GINS1: variants seen among roughly 807,000 people sequenced by gnomAD.
GINS1 encodes GINS complex subunit 1.
A neutral mutation model predicts 34.9 loss-of-function variants in GINS1; 26 were observed. The ratio of observed to expected loss-of-function variants is 0.74; its 90% confidence interval spans 0.55 to 1.03. The LOEUF (loss-of-function observed/expected upper bound fraction) is 1.03. Ranked by LOEUF, GINS1 falls within the 50% of genes least tolerant of loss-of-function variation. The probability of loss-of-function intolerance (pLI) is 0.00; values close to 1 mark genes in which losing one functional copy is unlikely to be tolerated. For missense variants in GINS1, 235 were observed against 237.9 expected (o/e 0.99, Z 0.08); for synonymous variants, 97 against 84.4 (o/e 1.15, Z -0.82).
chr20:25,417,991 G>C (rs1426758459), intron 3 of GINS1, 114 bp from the exon 4 acceptor site: 4 of 731,540 alleles, frequency 5.5e-6, no homozygotes, highest in Middle Eastern at 2.4e-4. Context: ...TGTTCTTCTT[G>C]TTTTCCCTAA....
chr20:25,437,495 C>T (rs2090460305), intron 5 of GINS1, among the ~76,000 whole-genome samples: 1 of 152,250 alleles, frequency 6.6e-6, no homozygotes, highest in Non-Finnish European at 1.5e-5. Context: ...AAAGCTCCAA[C>T]CTCAAGCCTT....
chr20:25,424,776 C>T (rs2090380875), intron 4 of GINS1, among the ~76,000 whole-genome samples: 1 of 152,186 alleles, frequency 6.6e-6, no homozygotes. Context: ...TTCAGAACTT[C>T]ATTGTTACTT....
chr20:25,441,275 G>A (rs1377313554), intron 5 of GINS1, among the ~76,000 whole-genome samples: 2 of 152,184 alleles, frequency 1.3e-5, no homozygotes, highest in African/African-American at 4.8e-5. Flanking sequence ...GGGATTGGAA[G>A]AATTGCTTCC....
At position 25,407,868 on chromosome 20, in the gene GINS1, G is replaced by GC. The variant is rs1568794100; in HGVS notation, c.51dup (p.Glu18ArgfsTer24). The GC allele has an allele frequency of 6.2e-7, 1 of 1,613,858 alleles. No homozygotes were observed. The highest frequency in any genetic ancestry group is 2.2e-5 in the East Asian group (1 of 44,890). ...AACTGATCCGCGAGCTGCATCGCGC[G>GC]CCCGAAGGGCAACTGCCTGCCTTCA... On this transcript the variant is annotated frameshift_variant, in exon 1 of 7. Coordinates refer to ENST00000262460, the MANE Select transcript of GINS1 (RefSeq NM_021067.5). LOFTEE classifies it high-confidence loss of function.
intron 2 of GINS1, among the ~76,000 whole-genome samples, chr20:25,414,545 TA>T (rs1258655820): frequency 6.6e-6 from 1 of 151,878 alleles, no homozygotes; most frequent in Non-Finnish European, 1.5e-5. Flanking sequence ...ATTAAAAAAA[TA>T]AAAATTAGCT....
intron 2 of GINS1, among the ~76,000 whole-genome samples, chr20:25,414,604 G>A (rs2090308699): frequency 6.6e-6 from 1 of 152,162 alleles, no homozygotes; most frequent in Non-Finnish European, 1.5e-5. Flanking sequence ...GCAGGGTAAG[G>A]TGAGAGGCTT....
At chr20:25,444,684 G>C (rs895342668) in intron 6 of GINS1, among the ~76,000 whole-genome samples, 1 of 152,124 alleles carries the variant, frequency 6.6e-6, no homozygotes, top group East Asian at 1.9e-4. Flanking sequence ...CCTCCTCCAA[G>C]GCAGTCAGTG....
At chr20:25,431,378 A>G (rs911551854) in intron 5 of GINS1, among the ~76,000 whole-genome samples, 1 of 151,948 alleles carries the variant, frequency 6.6e-6, no homozygotes, top group African/African-American at 2.4e-5. Context: ...GGTTTTCTCT[A>G]TGAGTGTTTC....
intron 1 of GINS1, chr20:25,413,540 T>A (rs567451986): frequency 2.2e-6 from 1 of 454,118 alleles, no homozygotes; most frequent in Non-Finnish European, 3.9e-6. Flanking sequence ...ATTCTGTGTG[T>A]AGCTTTTGAG....
intron 5 of GINS1, among the ~76,000 whole-genome samples, chr20:25,430,841 T>C (rs1340596664): frequency 6.6e-6 from 1 of 152,234 alleles, no homozygotes; most frequent in Non-Finnish European, 1.5e-5. Context: ...GTGTTGAGAA[T>C]TTTTGCATCA....
intron 5 of GINS1, among the ~76,000 whole-genome samples, chr20:25,430,828 C>A (rs547100561): frequency 5.3e-5 from 8 of 152,320 alleles, no homozygotes; most frequent in African/African-American, 1.9e-4. Context: ...CCATGCCTGG[C>A]CTGTGTTGAG....
intron 6 of GINS1, among the ~76,000 whole-genome samples, chr20:25,443,980 T>TTTATCTATCTATC (rs111319654): frequency 2.8e-5 from 4 of 142,918 alleles, no homozygotes; most frequent in Admixed American, 1.4e-4. Flanking sequence ...TAGGAAACAT[T>TTTATCTATCTATC]TATCTATCTA....
intron 1 of GINS1, chr20:25,408,750 T>C (rs2090263884): frequency 5.8e-6 from 1 of 173,368 alleles, no homozygotes; most frequent in Non-Finnish European, 1.1e-5. Flanking sequence ...TTCAGCTATA[T>C]ATGCATAGGA....
chr20:25,421,347 G>A (rs1443077185), intron 4 of GINS1, among the ~76,000 whole-genome samples: 3 of 152,070 alleles, frequency 2.0e-5, no homozygotes, highest in African/African-American at 7.2e-5. Flanking sequence ...TAAAAGCAGA[G>A]CTAAAATAAG....
intron 2 of GINS1, among the ~76,000 whole-genome samples, chr20:25,415,475 G>T (rs191979463): frequency 1.7e-4 from 26 of 152,274 alleles, no homozygotes; most frequent in African/African-American, 5.3e-4. Flanking sequence ...ATCATCTGAG[G>T]TCAGGAGCTC....
At chr20:25,442,018 A>G (rs973422914) in intron 6 of GINS1, among the ~76,000 whole-genome samples, 2 of 152,192 alleles carry the variant, frequency 1.3e-5, no homozygotes, top group Non-Finnish European at 2.9e-5. Flanking sequence ...GGTGTTTTCT[A>G]GGGGAATTAC....
chr20:25,434,100 A>G (rs1020466170), intron 5 of GINS1, among the ~76,000 whole-genome samples: 4 of 152,004 alleles, frequency 2.6e-5, no homozygotes, highest in African/African-American at 9.7e-5. Flanking sequence ...CCTGGGCAAC[A>G]TGGCAAAACC....
At chr20:25,423,104 G>A (rs1426672446) in intron 4 of GINS1, among the ~76,000 whole-genome samples, 1 of 151,148 alleles carries the variant, frequency 6.6e-6, no homozygotes, top group Non-Finnish European at 1.5e-5. Flanking sequence ...ATGCTGAATA[G>A]TATTTCTGGT....
chr20:25,440,858 GACT>G (rs2090478715), intron 5 of GINS1, among the ~76,000 whole-genome samples: 1 of 151,206 alleles, frequency 6.6e-6, no homozygotes, highest in South Asian at 2.1e-4. Flanking sequence ...AAATGCAAAG[GACT>G]CAGGGGATTT....
Sources: allele counts gnomAD v4.1 joint callset (sites outside exome capture counted in the v4.1 genomes callset), GRCh38; gene constraint gnomAD v4.1.1; transcripts MANE v1.5; gene names NCBI Gene and HGNC (gene_info 2026-07-23, HGNC 2026-07-21).